Variants in TNNI3K observed in about 807,000 individuals in gnomAD.
TNNI3K encodes serine/threonine-protein kinase TNNI3K.
A neutral mutation model predicts 114.5 loss-of-function variants in TNNI3K; 140 were observed. That is an observed-to-expected ratio of 1.22 (90% CI 1.07 to 1.41). TNNI3K has a LOEUF of 1.41. TNNI3K is among the 40% of genes most tolerant of loss of function. The pLI is 0.00. For missense variants in TNNI3K, 1,125 were observed against 1,007.6 expected (o/e 1.12, Z -1.58); for synonymous variants, 347 against 347.5 (o/e 1.00, Z 0.02).
At chr1:74,287,859 T>C (rs571908352) in intron 5 of TNNI3K, among the ~76,000 whole-genome samples, 110 of 152,026 alleles carry the variant, frequency 7.2e-4, no homozygotes, top group Non-Finnish European at 1.5e-3. Flanking sequence ...ACTCGAAATA[T>C]ATAAGGAATT....
intron 5 of TNNI3K, among the ~76,000 whole-genome samples, chr1:74,311,494 G>A (rs994154562): frequency 1.3e-5 from 2 of 152,050 alleles, no homozygotes; most frequent in African/African-American, 4.8e-5. Context: ...ATTTTTCTAT[G>A]AAAATAGCTT....
intron 17 of TNNI3K, among the ~76,000 whole-genome samples, chr1:74,415,780 T>G (rs1665089681): frequency 6.6e-6 from 1 of 152,046 alleles, no homozygotes. Flanking sequence ...TATCCCGTTC[T>G]TGGTTTTAGA....
At chr1:74,524,327 A>C (rs1646474556) in intron 23 of TNNI3K, among the ~76,000 whole-genome samples, 1 of 152,184 alleles carries the variant, frequency 6.6e-6, no homozygotes, top group Non-Finnish European at 1.5e-5. Context: ...GCCTGCCAGA[A>C]ACAGAGGGGG....
Position 74,342,968 on chromosome 1 carries a change from GAGA to G in TNNI3K, c.810_812del (p.Asp271del). The G allele has an allele frequency of 1.9e-6, 3 of 1,613,798 alleles. No individual in the cohort carries two copies. The highest frequency in any genetic ancestry group is 2.5e-6 in the Non-Finnish European group (3 of 1,179,868). On this transcript the variant is annotated inframe_deletion, in exon 8 of 25. Coordinates refer to ENST00000326637, the MANE Select transcript of TNNI3K (RefSeq NM_015978.3). ...CAACCTCATGTTGTTAATATCTATG[GAGA>G]TACCCCCTTACACCTGTGAGTATTA...
chr1:74,402,557 A>G (rs1489539678), intron 17 of TNNI3K, among the ~76,000 whole-genome samples: 1 of 152,196 alleles, frequency 6.6e-6, no homozygotes, highest in East Asian at 1.9e-4. Context: ...AGACTTGCCT[A>G]TTTTTAACTC....
At chr1:74,297,989 C>T (rs1440644920) in intron 5 of TNNI3K, among the ~76,000 whole-genome samples, 1 of 152,084 alleles carries the variant, frequency 6.6e-6, no homozygotes, top group Non-Finnish European at 1.5e-5. Context: ...TTACTTTAAT[C>T]CCATATGCAA....
chr1:74,247,342 G>A (rs929453465), intron 2 of TNNI3K, among the ~76,000 whole-genome samples: 1 of 152,140 alleles, frequency 6.6e-6, no homozygotes, highest in Non-Finnish European at 1.5e-5. Flanking sequence ...GATCTTGCTG[G>A]CTTCAGGAGT....
chr1:74,463,604 A>G (rs563775517), intron 21 of TNNI3K, 54 bp downstream of exon 21: 2 of 1,588,062 alleles, frequency 1.3e-6, no homozygotes, highest in Admixed American at 1.7e-5. Flanking sequence ...AATCTGTCAC[A>G]AATAGTATAA....
intron 5 of TNNI3K, among the ~76,000 whole-genome samples, chr1:74,328,902 G>A (rs1006204569): frequency 3.9e-4 from 59 of 152,058 alleles, no homozygotes; most frequent in African/African-American, 1.4e-3. Context: ...AAGAGGAATT[G>A]TAAAAAGCTT....
At chr1:74,519,103 A>G (rs1446025553) in intron 23 of TNNI3K, among the ~76,000 whole-genome samples, 19 of 93,096 alleles carry the variant, frequency 2.0e-4, no homozygotes, top group African/African-American at 9.0e-4. Context: ...TCATTGTTCA[A>G]TTCCCACCTA....
chr1:74,423,580 T>A (rs1377377257), intron 17 of TNNI3K, among the ~76,000 whole-genome samples: 2 of 152,158 alleles, frequency 1.3e-5, no homozygotes, highest in African/African-American at 2.4e-5. Flanking sequence ...AATATTACCA[T>A]ATAAGGTTAC....
intron 21 of TNNI3K, among the ~76,000 whole-genome samples, chr1:74,465,545 A>C (rs1010781478): frequency 2.7e-4 from 41 of 151,314 alleles, no homozygotes; most frequent in African/African-American, 1.0e-3. Context: ...TCCCCCCCCA[A>C]CCGTGGGCTC....
At chr1:74,344,755 A>G (rs1338104517) in intron 9 of TNNI3K, among the ~76,000 whole-genome samples, 2 of 152,186 alleles carry the variant, frequency 1.3e-5, no homozygotes, top group East Asian at 3.9e-4. Flanking sequence ...AAGATTTGTA[A>G]AGTGAGTTGA....
intron 2 of TNNI3K, among the ~76,000 whole-genome samples, chr1:74,242,673 C>G (rs1332123953): frequency 1.3e-5 from 2 of 151,976 alleles, no homozygotes; most frequent in African/African-American, 4.8e-5. Context: ...AAATAAGAAT[C>G]GTCAACAACA....
intron 17 of TNNI3K, among the ~76,000 whole-genome samples, chr1:74,409,279 C>T (rs539798839): frequency 7.9e-5 from 12 of 152,188 alleles, no homozygotes; most frequent in African/African-American, 2.9e-4. Context: ...GCCCAAACTC[C>T]CCGCTGTTAT....
chr1:74,364,312 A>C (rs1662149121), intron 11 of TNNI3K, among the ~76,000 whole-genome samples: 1 of 151,868 alleles, frequency 6.6e-6, no homozygotes. Context: ...TTTAATTCCA[A>C]AGGAATTTTT....
rs150302347 is a variant in TNNI3K, at chr1:74,242,721, A to C, written c.149+6511A>C. 3.6e-3 allele frequency among the ~76,000 whole-genome samples: 555 copies of C among 152,352 alleles called. 1 individual carries two copies. Among genetic ancestry groups the C allele is most frequent in the Non-Finnish European group, 6.2e-3 (422 of 68,028 alleles). On this transcript the variant is annotated intron_variant, in intron 2 of 24. Coordinates refer to ENST00000326637, the MANE Select transcript of TNNI3K (RefSeq NM_015978.3). ...AAATCCAAAAGGAAACAAAGAATTC[A>C]TAATGCCCTAAGTCAGTCTATTTCT...
chr1:74,406,879 C>T (rs114425225), intron 17 of TNNI3K, among the ~76,000 whole-genome samples: 1 of 152,146 alleles, frequency 6.6e-6, no homozygotes, highest in South Asian at 2.1e-4. Context: ...CATAAAGAAC[C>T]TCCAGAAATG....
intron 11 of TNNI3K, 63 bp from the exon 12 acceptor site, chr1:74,367,193 A>C: frequency 1.3e-6 from 2 of 1,558,672 alleles, no homozygotes; most frequent in East Asian, 4.5e-5. Flanking sequence ...TTTGGATTTG[A>C]GAGTAGACTG....
Sources: allele counts gnomAD v4.1 joint callset (sites outside exome capture counted in the v4.1 genomes callset), GRCh38; gene constraint gnomAD v4.1.1; transcripts MANE v1.5; gene names NCBI Gene and HGNC (gene_info 2026-07-23, HGNC 2026-07-21).